ATRNL1: variants seen among roughly 807,000 people sequenced by gnomAD.
The protein encoded by ATRNL1 is attractin-like protein 1.
Under a neutral mutation model 182.7 loss-of-function variants are expected in ATRNL1, and 95 were observed. The ratio of observed to expected loss-of-function variants is 0.52; its 90% confidence interval spans 0.44 to 0.62. The LOEUF is 0.62. Ranked by LOEUF, ATRNL1 falls within the 20% of genes least tolerant of loss-of-function variation. The probability of loss-of-function intolerance (pLI) is 0.00; values close to 1 mark genes in which losing one functional copy is unlikely to be tolerated. For synonymous variants in ATRNL1, 576 were observed against 568.3 expected (o/e 1.01, Z -0.19); for missense variants, 1,471 against 1,679.5 (o/e 0.88, Z 2.17).
intron 22 of ATRNL1, among the ~76,000 whole-genome samples, chr10:115,463,055 T>C (rs931928502): frequency 2.0e-5 from 3 of 151,728 alleles, no homozygotes; most frequent in Non-Finnish European, 1.5e-5. Context: ...AATTCATCCA[T>C]ATTGTTAAAT....
chr10:115,570,960 T>C (rs1242061693), intron 26 of ATRNL1, among the ~76,000 whole-genome samples: 2 of 152,176 alleles, frequency 1.3e-5, no homozygotes, highest in African/African-American at 2.4e-5. Context: ...TTATTCATAA[T>C]TTGAGCAGAG....
intron 25 of ATRNL1, among the ~76,000 whole-genome samples, chr10:115,540,621 G>A (rs1288190787): frequency 6.6e-6 from 1 of 151,890 alleles, no homozygotes; most frequent in Non-Finnish European, 1.5e-5. Flanking sequence ...TTAGTCAGGA[G>A]TGGTAGCACA....
chr10:115,353,699 T>C (rs1011716299), intron 19 of ATRNL1, among the ~76,000 whole-genome samples: 4 of 152,174 alleles, frequency 2.6e-5, no homozygotes, highest in Non-Finnish European at 5.9e-5. Flanking sequence ...ATGTTTTAAT[T>C]CCTTGCTTTT....
intron 5 of ATRNL1, among the ~76,000 whole-genome samples, chr10:115,144,379 C>T (rs1214681781): frequency 1.3e-5 from 2 of 151,968 alleles, no homozygotes; most frequent in East Asian, 1.9e-4. Context: ...AGGATGGTCT[C>T]GACCTCCTGA....
intron 25 of ATRNL1, among the ~76,000 whole-genome samples, chr10:115,536,250 G>A (rs904651828): frequency 6.6e-6 from 1 of 152,186 alleles, no homozygotes; most frequent in African/African-American, 2.4e-5. Flanking sequence ...TCCTTGAGCT[G>A]TGGTGGGCTC....
chr10:115,119,437 T>C (rs1242114344), intron 1 of ATRNL1, among the ~76,000 whole-genome samples: 3 of 152,044 alleles, frequency 2.0e-5, no homozygotes, highest in African/African-American at 7.2e-5. Flanking sequence ...AAATGTTAAA[T>C]GGGAAGACAT....
chr10:115,672,955 T>C (rs1945746203), intron 26 of ATRNL1, among the ~76,000 whole-genome samples: 1 of 152,144 alleles, frequency 6.6e-6, no homozygotes, highest in Non-Finnish European at 1.5e-5. Context: ...ACTTAGTTCA[T>C]TGCCAAATCC....
At chr10:115,671,913 TGAGA>T (rs1298993355) in intron 26 of ATRNL1, among the ~76,000 whole-genome samples, 1 of 151,988 alleles carries the variant, frequency 6.6e-6, no homozygotes, top group Non-Finnish European at 1.5e-5. Flanking sequence ...GCCCATAAGG[TGAGA>T]GAAACAAGAT....
At chr10:115,202,250 C>T (rs1470126029) in intron 8 of ATRNL1, among the ~76,000 whole-genome samples, 1 of 151,446 alleles carries the variant, frequency 6.6e-6, no homozygotes, top group Admixed American at 6.6e-5. Flanking sequence ...TTGCCCTGGC[C>T]AGAACTTCCA....
intron 5 of ATRNL1, among the ~76,000 whole-genome samples, chr10:115,154,567 C>T (rs1339523889): frequency 6.6e-6 from 1 of 151,974 alleles, no homozygotes; most frequent in African/African-American, 2.4e-5. Context: ...AATTGCAACC[C>T]CTGCCCTTTT....
intron 21 of ATRNL1, among the ~76,000 whole-genome samples, chr10:115,428,051 A>AT (rs1201440044): frequency 6.6e-6 from 1 of 151,778 alleles, no homozygotes; most frequent in Non-Finnish European, 1.5e-5. Flanking sequence ...GAATTATTGT[A>AT]TTTTTTATTT....
intron 14 of ATRNL1, among the ~76,000 whole-genome samples, chr10:115,282,151 A>G (rs1331806438): frequency 6.8e-6 from 1 of 146,364 alleles, no homozygotes; most frequent in Non-Finnish European, 1.5e-5. Flanking sequence ...AAATTTATAT[A>G]TTTATTATAT....
At chr10:115,775,116 A>G (rs1358826434) in intron 27 of ATRNL1, among the ~76,000 whole-genome samples, 4 of 152,170 alleles carry the variant, frequency 2.6e-5, no homozygotes, top group African/African-American at 9.7e-5. Context: ...AAAGTAATAT[A>G]TTTTGAGTAA....
chr10:115,152,029 T>C (rs1554880793), intron 5 of ATRNL1, among the ~76,000 whole-genome samples: 2 of 152,172 alleles, frequency 1.3e-5, no homozygotes, highest in East Asian at 3.8e-4. Flanking sequence ...GCTGTAGATG[T>C]GTGATATTAT....
chr10:115,490,793 TGGA>T (rs1350776974), intron 24 of ATRNL1, among the ~76,000 whole-genome samples: 2 of 152,170 alleles, frequency 1.3e-5, no homozygotes, highest in East Asian at 1.9e-4. Context: ...TGTGATCCTT[TGGA>T]GGAGAAGAGG....
At chr10:115,899,554 C>T (rs1477358220) in intron 28 of ATRNL1, among the ~76,000 whole-genome samples, 3 of 152,098 alleles carry the variant, frequency 2.0e-5, no homozygotes, top group Non-Finnish European at 4.4e-5. Flanking sequence ...GTGATCTGCC[C>T]ACCTCAGCCT....
At chr10:115,836,366 A>T (rs1234234989) in intron 27 of ATRNL1, among the ~76,000 whole-genome samples, 1 of 152,158 alleles carries the variant, frequency 6.6e-6, no homozygotes, top group East Asian at 1.9e-4. Context: ...CATTCTGTTG[A>T]AGGTTGGTTT....
At chr10:115,658,196 C>T (rs543873942) in intron 26 of ATRNL1, among the ~76,000 whole-genome samples, 2 of 149,084 alleles carry the variant, frequency 1.3e-5, no homozygotes, top group East Asian at 2.0e-4. Flanking sequence ...CCTGGTTTCA[C>T]GCCATTCTCC....
At chr10:115,132,942 C>T (rs374728886) in intron 5 of ATRNL1, among the ~76,000 whole-genome samples, 20 of 152,266 alleles carry the variant, frequency 1.3e-4, no homozygotes, top group African/African-American at 4.6e-4. Context: ...TTAATTAGAT[C>T]CCATTTGCCA....
Sources: allele counts gnomAD v4.1 joint callset (sites outside exome capture counted in the v4.1 genomes callset), GRCh38; gene constraint gnomAD v4.1.1; transcripts MANE v1.5; gene names NCBI Gene and HGNC (gene_info 2026-07-23, HGNC 2026-07-21).